The following REL variants were observed in gnomAD, a reference collection of about 807,000 sequenced individuals.
REL encodes REL proto-oncogene, NF-kB subunit, also known as proto-oncogene c-Rel.
Under a neutral mutation model 45.9 loss-of-function variants are expected in REL, and 15 were observed. The ratio of observed to expected loss-of-function variants is 0.33; its 90% CI spans 0.22 to 0.50. The LOEUF (loss-of-function observed/expected upper bound fraction) is 0.50, where lower values mean the gene tolerates loss of function less well. Among genes scored for constraint, REL ranks in the 20% least tolerant of loss-of-function variants. The pLI is 0.98. For missense variants in REL, 601 were observed against 715.2 expected (o/e 0.84, Z 1.82); for synonymous variants, 239 against 242.1 (o/e 0.99, Z 0.12).
intron 2 of REL, among the ~76,000 whole-genome samples, chr2:60,893,814 T>G (rs1359216905): frequency 6.6e-6 from 1 of 152,220 alleles, no homozygotes; most frequent in East Asian, 1.9e-4. Flanking sequence ...TCCTCCTTCC[T>G]CTTCCATGTT....
At chr2:60,893,988 A>G (rs1673285756) in intron 2 of REL, among the ~76,000 whole-genome samples, 1 of 152,218 alleles carries the variant, frequency 6.6e-6, no homozygotes, top group Non-Finnish European at 1.5e-5. Context: ...TAAAATGATC[A>G]TATTTATGTG....
Position 60,925,512 on chromosome 2 carries a change from TTC to T in REL, c.*2978_*2979del, listed in dbSNP as rs1377225360. 5.5e-6 allele frequency: 1 copy of T among 180,668 alleles called. No homozygotes were observed. The highest frequency in any genetic ancestry group is 9.1e-5 in the East Asian group (1 of 10,952). 11.2% of individuals were successfully genotyped at this position (180,668 alleles called of 1,614,324 possible). A position where few individuals can be genotyped will look rare whatever the true frequency, so the allele number is the denominator to read the frequency against. The stretch of plus-strand genomic sequence containing the variant: ...ATGAAATCTCACAAGAATCATAGAA[TTC>T]AATAAAAAAGGTAGAAAGTAATTTT... On this transcript the variant is annotated 3_prime_UTR_variant, in exon 10 of 10. Transcript: ENST00000394479.
Position 60,927,959 on chromosome 2 carries a change from G to A in REL, c.*5424G>A, listed in dbSNP as rs1295225120. ...CAACCATAGTGAACAGAAACAGCTG[G>A]GTTGTCAACGTCTAACCTAATACTT... On this transcript the variant is annotated 3_prime_UTR_variant, in exon 10 of 10. Transcript: ENST00000394479. 9.3e-6 allele frequency: 2 copies of A among 214,258 alleles called. No homozygotes were observed. The highest frequency in any genetic ancestry group is 1.9e-5 in the Non-Finnish European group (2 of 106,176). The allele number at this position is 214,258 out of a possible 1,614,324, so 13.3% of individuals were successfully genotyped here.
chr2:60,906,913 A>T (rs56116633), intron 4 of REL, among the ~76,000 whole-genome samples: 44,847 of 104,430 alleles, frequency 0.43, 10,944 homozygotes, highest in Middle Eastern at 0.54. Flanking sequence ...ATATATATAT[A>T]TTTTTTTTTT....
chr2:60,898,033 C>G (rs978399468), intron 3 of REL, among the ~76,000 whole-genome samples: 4 of 152,178 alleles, frequency 2.6e-5, no homozygotes, highest in African/African-American at 7.2e-5. Flanking sequence ...CAGGTGTACA[C>G]ATTGAATCTA....
At chr2:60,894,585 G>C in intron 3 of REL, 40 bp downstream of exon 3, 1 of 1,450,930 alleles carries the variant, frequency 6.9e-7, no homozygotes. Flanking sequence ...AATAAGATAA[G>C]ACATAGGATG....
chr2:60,901,084 G>T lies in REL; in HGVS notation c.394+1G>T. 6.3e-7 allele frequency: 1 copy of T among 1,575,020 alleles called. No homozygotes were observed. The highest frequency in any genetic ancestry group is 8.6e-7 in the Non-Finnish European group (1 of 1,165,518). On this transcript the variant is annotated splice_donor_variant, in intron 4 of 9. Coordinates refer to ENST00000394479, the MANE Select transcript of REL (RefSeq NM_001291746.2). LOFTEE classifies it high-confidence loss of function. ...AAGGCAGGAATCAATCCATTCAATGGTAAGTATGTTTGATAAAATCATTTC... is the reference window on the plus strand; with the variant it reads ...AAGGCAGGAATCAATCCATTCAATGTTAAGTATGTTTGATAAAATCATTTC...
chr2:60,882,063 A>G lies in REL; in HGVS notation c.10+213A>G, dbSNP rs557013877. On this transcript the variant is annotated intron_variant, in intron 1 of 9. Coordinates refer to ENST00000394479, the MANE Select transcript of REL (RefSeq NM_001291746.2). ...CGCTCTGTAATTCGATCCTGTTGTC[A>G]TAGCAGGAACCTTAGAAATTCCCAA... Among the ~76,000 whole-genome samples the G allele has an allele frequency of 2.6e-5, 4 of 152,352 alleles. No individual in the cohort carries two copies. In the East Asian group the frequency reaches 5.8e-4, roughly 22 times the overall value.
chr2:60,903,183 A>G (rs1673543399), intron 4 of REL, among the ~76,000 whole-genome samples: 1 of 152,236 alleles, frequency 6.6e-6, no homozygotes, highest in South Asian at 2.1e-4. Flanking sequence ...TTAGTGCTTT[A>G]TGCACACTAC....
rs547065875 is a variant in REL at position 60,930,432 on chromosome 2, A to T, written c.*7897A>T. ...GCCTTCTTTTGGCTTATCATTTATTATAAGCCCAGAAATAGGTGACTAATC... is the reference window on the plus strand; with the variant it reads ...GCCTTCTTTTGGCTTATCATTTATTTTAAGCCCAGAAATAGGTGACTAATC... On this transcript the variant is annotated 3_prime_UTR_variant, in exon 10 of 10. Transcript: ENST00000394479. The T allele has an allele frequency of 1.3e-5, 2 of 152,454 alleles. No individual in the cohort carries two copies. The highest frequency in any genetic ancestry group is 6.5e-5 in the Admixed American group (1 of 15,296). The allele number at this position is 152,454 out of a possible 1,614,324, so 9.4% of individuals were successfully genotyped here.
chr2:60,906,843 A>ATG (rs1245381817), intron 4 of REL, among the ~76,000 whole-genome samples: 1 of 133,610 alleles, frequency 7.5e-6, no homozygotes, highest in Non-Finnish European at 1.7e-5. Context: ...GTATATATAT[A>ATG]TGTGTGTGTA....
At chr2:60,892,503 A>T (rs1673238797) in intron 2 of REL, among the ~76,000 whole-genome samples, 1 of 152,152 alleles carries the variant, frequency 6.6e-6, no homozygotes, top group Admixed American at 6.5e-5. Context: ...ATCTCAGCTC[A>T]CTGCAACCTC....
chr2:60,889,358 T>G (rs1036140365), intron 1 of REL, among the ~76,000 whole-genome samples: 2 of 152,216 alleles, frequency 1.3e-5, no homozygotes, highest in Non-Finnish European at 2.9e-5. Context: ...GTTGTTTGCC[T>G]TGCTCTTCTA....
At position 60,916,882 on chromosome 2, in the gene REL, G is replaced by C; in HGVS notation, c.400G>C (p.Glu134Gln). 6.2e-7 allele frequency: 1 copy of C among 1,611,198 alleles called. No homozygotes were observed. Among genetic ancestry groups the C allele is most frequent in the Non-Finnish European group, 8.5e-7 (1 of 1,178,814 alleles). ...KAGINPFNVPEKQLNDIEDCD... is the reference protein window; with the variant it reads ...KAGINPFNVPQKQLNDIEDCD... Reference sequence around the variant, plus strand: ...AATTTTTTTTTTCTATTCAGTCCCTGAAAAACAGCTGAATGATATTGAAGA... The same window carrying C: ...AATTTTTTTTTTCTATTCAGTCCCTCAAAAACAGCTGAATGATATTGAAGA... The change falls in exon 5 of 10, where the codon GAA (glutamate) becomes CAA (glutamine). Residue 134 changes from glutamate to glutamine, a missense_variant. Glu to Gln is a conservative substitution (Grantham distance 29, BLOSUM62 2). This residue lies in a region of REL where 241 missense variants were observed against 347.0 expected (regional missense o/e 0.69). Transcript: ENST00000394479.
Position 60,926,574 on chromosome 2 carries a change from T to TGCTATTTCCCCCTACCCGCC in REL, c.*4040_*4059dup, listed in dbSNP as rs1674273256. On this transcript the variant is annotated 3_prime_UTR_variant, in exon 10 of 10. Coordinates refer to ENST00000394479, the MANE Select transcript of REL (RefSeq NM_001291746.2). Reference sequence around the variant, plus strand: ...AGTCTTGACCCCTCCCCTCAGTTGGTGCTATTTCCCCCTACCCGCCCTCCG... The same window carrying TGCTATTTCCCCCTACCCGCC: ...AGTCTTGACCCCTCCCCTCAGTTGGTGCTATTTCCCCCTACCCGCCGCTATTTCCCCCTACCCGCCCTCCG... 1 of 231,382 alleles carries TGCTATTTCCCCCTACCCGCC rather than the reference T, an allele frequency of 4.3e-6. No individual in the cohort carries two copies. The highest frequency in any genetic ancestry group is 8.6e-6 in the Non-Finnish European group (1 of 116,932). The allele number at this position is 231,382 out of a possible 1,614,324, so 14.3% of individuals were successfully genotyped here.
Position 60,926,859 on chromosome 2 carries a change from CT to C in REL, c.*4330del, listed in dbSNP as rs1377288607. ...TGCCTTCTTAGTAAAGGCCTTCATT[CT>C]TTTTTCCCTAGTAATAATCTTTTCC... On this transcript the variant is annotated 3_prime_UTR_variant, in exon 10 of 10. Transcript: ENST00000394479. The C allele has an allele frequency of 1.3e-5, 3 of 226,818 alleles. No homozygotes were observed. Among genetic ancestry groups the C allele is most frequent in the Non-Finnish European group, 1.8e-5 (2 of 114,006 alleles). The allele number at this position is 226,818 out of a possible 1,614,324, so 14.1% of individuals were successfully genotyped here.
In REL at chr2:60,930,107, T is replaced by C. The variant is rs1055529862; in HGVS notation, c.*7572T>C. The stretch of plus-strand genomic sequence containing the variant: ...CATGCTTTTAAATAGCATGGAGAAA[T>C]GGAAAGAATAGGGACTTTTTACTCA... On this transcript the variant is annotated 3_prime_UTR_variant, in exon 10 of 10. Transcript: ENST00000394479. The C allele has an allele frequency of 6.6e-6, 1 of 152,192 alleles. No homozygotes were observed. The highest frequency in any genetic ancestry group is 1.5e-5 in the Non-Finnish European group (1 of 68,020). The allele number at this position is 152,192 out of a possible 1,614,324, so 9.4% of individuals were successfully genotyped here.
intron 4 of REL, 65 bp downstream of exon 4, chr2:60,901,148 CTCT>C (rs1372614439): frequency 3.5e-6 from 3 of 849,384 alleles, no homozygotes; most frequent in Non-Finnish European, 4.5e-6. Context: ...TTTTTTCTTT[CTCT>C]TTTTTTTTTT....
chr2:60,887,234 A>G (rs1573311140), intron 1 of REL, among the ~76,000 whole-genome samples: 1 of 152,182 alleles, frequency 6.6e-6, no homozygotes, highest in East Asian at 1.9e-4. Context: ...GAAGTTTTTT[A>G]AAAATCATAA....
Sources: allele counts gnomAD v4.1 joint callset (sites outside exome capture counted in the v4.1 genomes callset), GRCh38; gene constraint gnomAD v4.1.1; regional missense constraint gnomAD v4.1.1; transcripts MANE v1.5; gene names NCBI Gene and HGNC (gene_info 2026-07-23, HGNC 2026-07-21).